Variants in MCPH1 observed in about 807,000 individuals in gnomAD.
MCPH1 encodes microcephalin 1, also known as microcephalin.
Under a neutral mutation model 84.5 loss-of-function variants are expected in MCPH1, and 104 were observed. The observed-to-expected ratio is 1.23, with a 90% CI of 1.05 to 1.45. The LOEUF is 1.45. Ranked by LOEUF, MCPH1 falls within the 40% of genes most tolerant of loss-of-function variation. The probability of loss-of-function intolerance (pLI) is 0.00; values close to 1 mark genes in which losing one functional copy is unlikely to be tolerated. For missense variants in MCPH1, 1,498 were observed against 1,005.7 expected (o/e 1.49, Z -6.62); for synonymous variants, 514 against 366.8 (o/e 1.40, Z -4.58).
At chr8:6,522,781 A>G (rs543246547) in intron 12 of MCPH1, among the ~76,000 whole-genome samples, 9 of 151,938 alleles carry the variant, frequency 5.9e-5, no homozygotes, top group South Asian at 2.1e-4. Context: ...CTCAAAAAAA[A>G]AAAAGAAAAG....
At chr8:6,642,919 A>C in intron 13 of MCPH1, 75 bp from the exon 14 acceptor site, 1 of 1,346,800 alleles carries the variant, frequency 7.4e-7, no homozygotes, top group Non-Finnish European at 1.1e-6. Context: ...AGTTTCATGT[A>C]TATACAAACA....
chr8:6,436,021 A>G (rs187364318), intron 4 of MCPH1, 27 bp from the exon 5 acceptor site: 3 of 1,612,096 alleles, frequency 1.9e-6, no homozygotes, highest in East Asian at 2.2e-5. Flanking sequence ...GCAGTACAGC[A>G]TTAATTTTTG....
intron 12 of MCPH1, 162 bp from the exon 13 acceptor site, chr8:6,621,292 C>T (rs1280621104): frequency 4.7e-5 from 41 of 876,652 alleles, no homozygotes; most frequent in Non-Finnish European, 7.4e-5. Flanking sequence ...TTAATGTCAT[C>T]ATCTTCTCTG....
At chr8:6,560,034 T>C (rs1310838271) in intron 12 of MCPH1, among the ~76,000 whole-genome samples, 1 of 152,224 alleles carries the variant, frequency 6.6e-6, no homozygotes, top group Non-Finnish European at 1.5e-5. Context: ...CTAAGCTCCC[T>C]AGGCTATGCT....
chr8:6,537,178 T>C (rs1284370829), intron 12 of MCPH1, among the ~76,000 whole-genome samples: 2 of 152,054 alleles, frequency 1.3e-5, no homozygotes, highest in Non-Finnish European at 2.9e-5. Flanking sequence ...AACATATTCA[T>C]GTTTCGCAGG....
At chr8:6,562,715 C>T (rs753197361) in intron 12 of MCPH1, 1 of 1,613,288 alleles carries the variant, frequency 6.2e-7, no homozygotes, top group Non-Finnish European at 8.5e-7. Flanking sequence ...ACCGAGTCAT[C>T]GTATTCGAGC....
rs1461316654 is a variant in MCPH1, at chr8:6,414,810, G to C, written c.160G>C (p.Asp54His). Residue 54 changes from aspartate (D) to histidine (H), a missense_variant, in exon 3 of 14, where the codon GAT becomes CAT. By Grantham distance (81) the Asp-to-His change is moderately conservative (BLOSUM62 -1). Coordinates refer to ENST00000344683, the MANE Select transcript of MCPH1 (RefSeq NM_024596.5). ...NKQVTHVIFK[D>H]GYQSTWDKAQ... ...ACAAGTAACTCACGTTATCTTCAAA[G>C]ATGGCTACCAGAGCACTTGGGACAA... 6.2e-7 allele frequency: 1 copy of C among 1,613,838 alleles called. No homozygotes were observed. The highest frequency in any genetic ancestry group is 8.5e-7 in the Non-Finnish European group (1 of 1,179,916).
intron 8 of MCPH1, chr8:6,447,503 G>T (rs1377304771): frequency 2.6e-6 from 2 of 758,484 alleles, no homozygotes; most frequent in African/African-American, 3.8e-5. Flanking sequence ...TCAATACGCT[G>T]ATAGAACGGG....
chr8:6,409,079 T>G (rs1431949373), intron 1 of MCPH1, among the ~76,000 whole-genome samples, 200 bp from the exon 2 acceptor site: 1 of 150,976 alleles, frequency 6.6e-6, no homozygotes, highest in East Asian at 2.0e-4. Flanking sequence ...TAGAGATGGT[T>G]TTTCACCATG....
intron 3 of MCPH1, among the ~76,000 whole-genome samples, chr8:6,420,168 T>TC (rs1199889045): frequency 6.6e-6 from 1 of 151,970 alleles, no homozygotes; most frequent in African/African-American, 2.4e-5. Flanking sequence ...GGGCTGCCAC[T>TC]CCCCCCAGAA....
At chr8:6,498,047 G>A (rs1811464852) in intron 11 of MCPH1, among the ~76,000 whole-genome samples, 1 of 152,140 alleles carries the variant, frequency 6.6e-6, no homozygotes, top group African/African-American at 2.4e-5. Flanking sequence ...CAATCAGAAA[G>A]GAAGAAATAA....
At chr8:6,583,559 G>A (rs1177558406) in intron 12 of MCPH1, among the ~76,000 whole-genome samples, 1 of 152,192 alleles carries the variant, frequency 6.6e-6, no homozygotes, top group Non-Finnish European at 1.5e-5. Context: ...GGAAGCGAGG[G>A]TGGTGAACAC....
intron 12 of MCPH1, chr8:6,532,617 C>A (rs1819739407): frequency 6.0e-6 from 4 of 670,298 alleles, no homozygotes; most frequent in African/African-American, 4.4e-5. Flanking sequence ...TGTACCTTGC[C>A]TTCCTTTTGG....
intron 9 of MCPH1, among the ~76,000 whole-genome samples, chr8:6,466,180 A>G (rs1229161224): frequency 7.5e-6 from 1 of 132,810 alleles, no homozygotes; most frequent in Non-Finnish European, 1.6e-5. Flanking sequence ...CTCTATCGCC[A>G]GGCTGGAGTG....
intron 9 of MCPH1, among the ~76,000 whole-genome samples, chr8:6,467,744 G>T (rs1378163967): frequency 6.6e-6 from 1 of 152,132 alleles, no homozygotes; most frequent in Non-Finnish European, 1.5e-5. Context: ...CTCCAGGCAG[G>T]TGCCACCATG....
intron 12 of MCPH1, among the ~76,000 whole-genome samples, chr8:6,590,621 C>T (rs560933017): frequency 1.5e-4 from 23 of 152,180 alleles, no homozygotes; most frequent in Non-Finnish European, 2.9e-4. Context: ...TGCAATGAGA[C>T]ATTGTCACAA....
chr8:6,632,503 T>G (rs992399426), intron 13 of MCPH1, among the ~76,000 whole-genome samples: 1 of 152,186 alleles, frequency 6.6e-6, no homozygotes, highest in Non-Finnish European at 1.5e-5. Flanking sequence ...AAAACTCATT[T>G]GTAAACAAGT....
At chr8:6,504,124 C>T (rs1369024204) in intron 12 of MCPH1, among the ~76,000 whole-genome samples, 2 of 151,920 alleles carry the variant, frequency 1.3e-5, no homozygotes, top group Non-Finnish European at 2.9e-5. Context: ...CGAGACCATC[C>T]TGGCTAACAC....
Position 6,593,543 on chromosome 8 carries a change from A to G in MCPH1, c.2215-27911A>G, listed in dbSNP as rs141224426. On this transcript the variant is annotated intron_variant, in intron 12 of 13. Coordinates refer to ENST00000344683, the MANE Select transcript of MCPH1 (RefSeq NM_024596.5). ...CTAATTTTGTATTTTTAATAAAGAT[A>G]GCATTTAATTATGTTGTCCAGGCTA... Among the ~76,000 whole-genome samples, 384 of 151,550 alleles carry G rather than the reference A, an allele frequency of 2.5e-3. 1 individual carries two copies. Among genetic ancestry groups the G allele is most frequent in the African/African-American group, 8.7e-3 (360 of 41,302 alleles).
Sources: allele counts gnomAD v4.1 joint callset (sites outside exome capture counted in the v4.1 genomes callset), GRCh38; gene constraint gnomAD v4.1.1; transcripts MANE v1.5; gene names NCBI Gene and HGNC (gene_info 2026-07-23, HGNC 2026-07-21).